Variants in IQCM observed in about 807,000 individuals in gnomAD.
The protein encoded by IQCM is IQ motif containing M, also known as IQ domain-containing protein M.
A neutral mutation model predicts 57.6 loss-of-function variants in IQCM; 45 were observed. The ratio of observed to expected loss-of-function variants is 0.78; its 90% CI spans 0.62 to 1.00. IQCM has a LOEUF of 1.00. IQCM is among the 50% of genes least tolerant of loss of function. IQCM has a pLI of 0.00. For missense variants in IQCM, 468 were observed against 511.6 expected (o/e 0.91, Z 0.82); for synonymous variants, 148 against 158.9 (o/e 0.93, Z 0.51).
At chr4:149,603,951 C>A (rs897429597) in intron 8 of IQCM, among the ~76,000 whole-genome samples, 2 of 152,118 alleles carry the variant, frequency 1.3e-5, no homozygotes, top group Non-Finnish European at 2.9e-5. Flanking sequence ...TAGTCTCCTT[C>A]ACCAACTACT....
intron 7 of IQCM, among the ~76,000 whole-genome samples, chr4:149,645,854 A>G (rs1758589475): frequency 6.6e-6 from 1 of 152,000 alleles, no homozygotes; most frequent in Non-Finnish European, 1.5e-5. Flanking sequence ...TTTGTCTTCC[A>G]TTACCCTCCT....
rs1379474018 is a variant in IQCM at position 149,470,774 on chromosome 4, GACCA to G, written c.1229-37221_1229-37218del. On this transcript the variant is annotated intron_variant, in intron 12 of 13. Coordinates refer to ENST00000636793, the MANE Select transcript of IQCM (RefSeq NM_001363507.2). ...AGAAATTATAACAAACTGTCTCTCA[GACCA>G]CAGTGCAATCAAACTAGAACTCAGG... 9.2e-5 allele frequency among the ~76,000 whole-genome samples: 14 copies of G among 152,202 alleles called. No individual in the cohort carries two copies. The East Asian group carries it at 2.7e-3, about 29-fold the overall frequency.
chr4:149,573,769 C>CAAAA (rs11289641), intron 9 of IQCM, among the ~76,000 whole-genome samples: 1 of 139,990 alleles, frequency 7.1e-6, no homozygotes. Context: ...GACCCTGGCT[C>CAAAA]AAAAAAAAAA....
intron 3 of IQCM, among the ~76,000 whole-genome samples, chr4:149,741,803 C>T (rs965891298): frequency 2.0e-5 from 3 of 152,086 alleles, no homozygotes; most frequent in African/African-American, 7.2e-5. Flanking sequence ...TGAGAGAAAT[C>T]TTAAGTAGTC....
intron 12 of IQCM, among the ~76,000 whole-genome samples, chr4:149,451,343 A>T (rs985399704): frequency 1.3e-5 from 2 of 151,856 alleles, no homozygotes; most frequent in East Asian, 3.9e-4. Context: ...GTATAATCAG[A>T]TAGTTTGTAA....
intron 5 of IQCM, among the ~76,000 whole-genome samples, chr4:149,706,424 T>G (rs1282829121): frequency 6.6e-6 from 1 of 151,966 alleles, no homozygotes; most frequent in Non-Finnish European, 1.5e-5. Context: ...AATCAGAGTG[T>G]GTCTAGATGG....
intron 7 of IQCM, among the ~76,000 whole-genome samples, chr4:149,663,324 T>G (rs945543276): frequency 6.6e-6 from 1 of 152,020 alleles, no homozygotes. Flanking sequence ...AACGAAAGAT[T>G]TAGATTGCAC....
At chr4:149,433,360 C>T (rs1427226640) in intron 13 of IQCM, 36 bp downstream of exon 13, 5 of 952,320 alleles carry the variant, frequency 5.3e-6, no homozygotes, top group Non-Finnish European at 6.8e-6. Context: ...GGTATCACTT[C>T]TTCTTTACAA....
chr4:149,593,057 ATT>A (rs1263543947), intron 8 of IQCM, among the ~76,000 whole-genome samples: 1 of 152,058 alleles, frequency 6.6e-6, no homozygotes, highest in Admixed American at 6.5e-5. Flanking sequence ...CAGTATGGCC[ATT>A]TTCACGATAT....
intron 7 of IQCM, among the ~76,000 whole-genome samples, chr4:149,635,857 C>T (rs1402080226): frequency 6.6e-6 from 1 of 151,986 alleles, no homozygotes; most frequent in Non-Finnish European, 1.5e-5. Flanking sequence ...AATTGGGGCT[C>T]ATCAATTAAT....
rs542606879 is a variant in IQCM at position 149,418,153 on chromosome 4, A to G, written c.1390+15243T>C. Among the ~76,000 whole-genome samples the G allele has an allele frequency of 5.2e-5, 7 of 134,006 alleles. No individual in the cohort carries two copies. The Admixed American group carries it at 5.4e-4, about 10-fold the overall frequency. 87.9% of individuals were successfully genotyped at this position (134,006 alleles called of 152,430 possible). Reference sequence around the variant, plus strand: ...GACCAAAAGACCCTTTAAAAAATCAATGAATCCAGGTTATGGTTTTTTTTT... The same window carrying G: ...GACCAAAAGACCCTTTAAAAAATCAGTGAATCCAGGTTATGGTTTTTTTTT... On this transcript the variant is annotated intron_variant, in intron 13 of 13. Coordinates refer to ENST00000636793, the MANE Select transcript of IQCM (RefSeq NM_001363507.2).
chr4:149,583,610 T>C (rs939468096), intron 9 of IQCM, among the ~76,000 whole-genome samples: 1 of 151,600 alleles, frequency 6.6e-6, no homozygotes, highest in African/African-American at 2.4e-5. Flanking sequence ...GTTTTATTCA[T>C]GGAATGCAAT....
chr4:149,423,386 A>G (rs1734246788), intron 13 of IQCM, among the ~76,000 whole-genome samples: 2 of 152,014 alleles, frequency 1.3e-5, no homozygotes, highest in African/African-American at 2.4e-5. Flanking sequence ...CTCCCTGGAC[A>G]AGTAGGGATT....
intron 13 of IQCM, among the ~76,000 whole-genome samples, chr4:149,367,367 C>G (rs1451507062): frequency 6.6e-6 from 1 of 151,884 alleles, no homozygotes; most frequent in African/African-American, 2.4e-5. Context: ...GGAGAGTGTC[C>G]TATAGATAAA....
At chr4:149,487,305 T>C (rs1741624839) in intron 12 of IQCM, among the ~76,000 whole-genome samples, 1 of 152,126 alleles carries the variant, frequency 6.6e-6, no homozygotes. Flanking sequence ...GTATCCAAGA[T>C]GCAAGACAAA....
Position 149,720,667 on chromosome 4 carries a change from CA to C in IQCM, c.385+12576del, listed in dbSNP as rs367858469. Among the ~76,000 whole-genome samples the C allele has an allele frequency of 1.5e-3, 221 of 152,194 alleles. 2 individuals carry two copies. The East Asian group carries it at 0.034, about 24-fold the overall frequency. ...CTTTCTGCAAGAGCATTCAAAAGGG[CA>C]AGCAAAAGAAAATTCCTGACAAGAA... On this transcript the variant is annotated intron_variant, in intron 5 of 13. Transcript: ENST00000636793.
intron 13 of IQCM, among the ~76,000 whole-genome samples, chr4:149,388,452 T>G (rs1407214694): frequency 6.8e-6 from 1 of 147,976 alleles, no homozygotes; most frequent in East Asian, 2.0e-4. Context: ...CTAAAGATAC[T>G]GAGTGTCTTT....
chr4:149,496,657 T>C (rs1304865955), intron 12 of IQCM, among the ~76,000 whole-genome samples: 2 of 152,170 alleles, frequency 1.3e-5, no homozygotes, highest in East Asian at 3.9e-4. Flanking sequence ...TGCAGCCTGT[T>C]GATGCCTTGA....
chr4:149,684,274 G>C (rs1196358387), intron 6 of IQCM, among the ~76,000 whole-genome samples: 4 of 151,096 alleles, frequency 2.6e-5, no homozygotes, highest in African/African-American at 4.8e-5. Context: ...TCCCACCACA[G>C]GTCAAAAATA....
Sources: gnomAD v4.1 joint callset for allele counts (sites outside exome capture counted in the v4.1 genomes callset) on GRCh38, gnomAD v4.1.1 for gene constraint, MANE v1.5 for transcripts, NCBI Gene and HGNC (gene_info 2026-07-23, HGNC 2026-07-21) for gene names.